UGT1A1: variants seen among roughly 807,000 people sequenced by gnomAD.
UGT1A1 encodes the protein UDP glucuronosyltransferase family 1 member A1.
UGT1A1 carries 33 observed loss-of-function variants against 40.6 expected under a neutral mutation model. That is an observed-to-expected ratio of 0.81 (90% CI 0.62 to 1.09). UGT1A1 has a LOEUF of 1.09. Ranked by LOEUF, UGT1A1 falls within the 50% of genes least tolerant of loss-of-function variation. The pLI is 0.00. For missense variants in UGT1A1, 694 were observed against 671.2 expected, an observed-to-expected ratio of 1.03 and a Z score of -0.38; for synonymous variants, 249 against 265.0, an observed-to-expected ratio of 0.94 and a Z score of 0.59.
rs763109127 is a variant in UGT1A1 at position 233,760,886 on chromosome 2, AT to A, written c.601del (p.Ser201GlnfsTer4). On this transcript the variant is annotated frameshift_variant, in exon 1 of 5. Transcript: ENST00000305208. LOFTEE classifies it high-confidence loss of function. ...FSYVPRPLSS[H>X]SDHMTFLQRV... ...TACGTGCCCAGGCCTCTCTCCTCTC[AT>A]TCAGATCACATGACCTTCCTGCAGC... 6.2e-7 allele frequency: 1 copy of A among 1,613,934 alleles called. No individual in the cohort carries two copies. The highest frequency in any genetic ancestry group is 2.2e-5 in the East Asian group (1 of 44,870).
intron 1 of UGT1A1, among the ~76,000 whole-genome samples, chr2:233,763,257 T>A (rs187516962): frequency 6.6e-6 from 1 of 152,268 alleles, no homozygotes. Context: ...TAACCTGTTT[T>A]GTCTTGTTGC....
Position 233,760,894 on chromosome 2 carries a change from C to A in UGT1A1, c.607C>A (p.His203Asn). Residue 203 changes from histidine to asparagine, a missense_variant, in exon 1 of 5, where the codon CAC becomes AAC. By Grantham distance (68) the His-to-Asn change is moderately conservative. Coordinates refer to ENST00000305208, the MANE Select transcript of UGT1A1 (RefSeq NM_000463.3). ...VPRPLSSHSD[H>N]MTFLQRVKNM... ...CAGGCCTCTCTCCTCTCATTCAGAT[C>A]ACATGACCTTCCTGCAGCGGGTGAA... The A allele has an allele frequency of 6.2e-7, 1 of 1,614,174 alleles. No homozygotes were observed. Among genetic ancestry groups the A allele is most frequent in the Non-Finnish European group, 8.5e-7 (1 of 1,180,022 alleles).
At chr2:233,765,924 G>A (rs1285485148) in intron 1 of UGT1A1, among the ~76,000 whole-genome samples, 9 of 152,180 alleles carry the variant, frequency 5.9e-5, no homozygotes, top group Middle Eastern at 3.4e-3. Context: ...GCATACAGAC[G>A]GGCAGGTTGT....
In UGT1A1 at chr2:233,769,600, G is replaced by A. The variant is rs36059993; in HGVS notation, c.1304+1161G>A. 2,963 of 1,612,786 alleles carry A rather than the reference G, an allele frequency of 1.8e-3. 49 individuals are homozygous for A. In the African/African-American group the frequency reaches 0.035, roughly 19 times the overall value. ...GTTCAGATGAGAGGAGACGGAACAC[G>A]GGGACACACCAGCTTGAGCAAGGGA... is the stretch of plus-strand genomic sequence containing the variant. On this transcript the variant is annotated intron_variant, in intron 4 of 4. Transcript: ENST00000305208. The surrounding 1 kb of genome is among the most constrained non-coding windows in gnomAD (Gnocchi z 4.4).
At position 233,760,299 on chromosome 2, in the gene UGT1A1, G is replaced by T. The variant is rs781590934; in HGVS notation, c.12G>T (p.Glu4Asp). ...GGAGCAAAGGCGCCATGGCTGTGGA[G>T]TCCCAGGGCGGACGCCCACTTGTCC... MAV[E>D]SQGGRPLVLG... Residue 4 changes from glutamate to aspartate, a missense_variant, in exon 1 of 5, where the codon GAG becomes GAT. By Grantham distance (45) the Glu-to-Asp change is conservative (BLOSUM62 2). Transcript: ENST00000305208. 1.2e-6 allele frequency: 2 copies of T among 1,613,582 alleles called. No homozygotes were observed. The highest frequency in any genetic ancestry group is 2.2e-5 in the East Asian group (1 of 44,880).
In UGT1A1 at chr2:233,768,367, T is replaced by C; in HGVS notation, c.1232T>C (p.Val411Ala). 6.2e-7 allele frequency: 1 copy of C among 1,614,082 alleles called. No individual in the cohort carries two copies. The highest frequency in any genetic ancestry group is 8.5e-7 in the Non-Finnish European group (1 of 1,180,022). The change falls in exon 4 of 5, where the codon GTG (valine) becomes GCG (alanine). Residue 411 changes from valine to alanine, a missense_variant. Val to Ala is a moderately conservative substitution (Grantham distance 64). Transcript: ENST00000305208. The stretch of plus-strand genomic sequence containing the variant: ...CGCATGGAGACTAAGGGAGCTGGAG[T>C]GACCCTGAATGTTCTGGAAATGACT... ...AKRMETKGAG[V>A]TLNVLEMTSE...
rs1019965389 is a variant in UGT1A1, at chr2:233,761,222, C to A, written c.864+71C>A. 2.1e-5 allele frequency: 34 copies of A among 1,613,256 alleles called. No homozygotes were observed. In the African/African-American group the frequency reaches 4.4e-4, roughly 21 times the overall value. ...GTATTACTTTGGATCGATTAACTAG[C>A]CCCAGATATATGCTGAGCAAGCATT... On this transcript the variant is annotated intron_variant, in intron 1 of 4. Coordinates refer to ENST00000305208, the MANE Select transcript of UGT1A1 (RefSeq NM_000463.3).
Position 233,760,846 on chromosome 2 carries a change from C to G in UGT1A1, c.559C>G (p.Pro187Ala), listed in dbSNP as rs760019185. The G allele has an allele frequency of 1.2e-6, 2 of 1,613,970 alleles. No homozygotes were observed. Among genetic ancestry groups the G allele is most frequent in the South Asian group, 2.2e-5 (2 of 91,076 alleles). The change falls in exon 1 of 5, where the codon CCC (proline) becomes GCC (alanine). Residue 187 changes from proline (P) to alanine (A), a missense_variant. By Grantham distance (27) the Pro-to-Ala change is conservative. Transcript: ENST00000305208. Reference protein sequence around the residue: ...CSLEFEATQCPNPFSYVPRPL... With the variant: ...CSLEFEATQCANPFSYVPRPL... ...CCTGGAATTTGAGGCTACCCAGTGC[C>G]CCAACCCATTCTCCTACGTGCCCAG...
At position 233,769,757 on chromosome 2, in the gene UGT1A1, A is replaced by G; in HGVS notation, c.1304+1318A>G. 7.1e-7 allele frequency: 1 copy of G among 1,417,082 alleles called. No individual in the cohort carries two copies. Among genetic ancestry groups the G allele is most frequent in the Non-Finnish European group, 9.2e-7 (1 of 1,082,860 alleles). 87.8% of individuals were successfully genotyped at this position (1,417,082 alleles called of 1,614,324 possible). A position where few individuals can be genotyped will look rare whatever the true frequency, so the allele number is the denominator to read the frequency against. On this transcript the variant is annotated intron_variant, in intron 4 of 4. Coordinates refer to ENST00000305208, the MANE Select transcript of UGT1A1 (RefSeq NM_000463.3). The surrounding 1 kb of genome is among the most constrained non-coding windows in gnomAD (Gnocchi z 4.4). ...GTAGTCCCAGCCACTCTGGAGGCTA[A>G]GGCGGGAGGATTGCTTGAGCCCAGA...
chr2:233,761,267 C>T, intron 1 of UGT1A1, 116 bp downstream of exon 1: 1 of 1,593,550 alleles, frequency 6.3e-7, no homozygotes, highest in South Asian at 1.1e-5. Flanking sequence ...TTTAAAATGC[C>T]CTCTTTTGTT....
intron 1 of UGT1A1, among the ~76,000 whole-genome samples, chr2:233,762,541 G>A (rs1437791654): frequency 6.6e-6 from 1 of 152,290 alleles, no homozygotes; most frequent in African/African-American, 2.4e-5. Flanking sequence ...GTGTACCACA[G>A]TGTATTCTGC....
chr2:233,768,250 A>G lies in UGT1A1; in HGVS notation c.1115A>G (p.His372Arg). 1 of 1,614,148 alleles carries G rather than the reference A, an allele frequency of 6.2e-7. No individual in the cohort carries two copies. Among genetic ancestry groups the G allele is most frequent in the South Asian group, 1.1e-5 (1 of 91,078 alleles). ...GHPMTRAFITHAGSHGVYESI... is the reference protein window; with the variant it reads ...GHPMTRAFITRAGSHGVYESI... ...CCGATGACCCGTGCCTTTATCACCC[A>G]TGCTGGTTCCCATGGTGTTTATGAA... The change falls in exon 4 of 5, where the codon CAT becomes CGT. Residue 372 changes from histidine to arginine, a missense_variant. Transcript: ENST00000305208.
At position 233,767,069 on chromosome 2, in the gene UGT1A1, T is replaced by C. The variant is rs778321344; in HGVS notation, c.900T>C (p.His300=). 42 of 1,614,040 alleles carry C rather than the reference T, an allele frequency of 2.6e-5. No homozygotes were observed. The highest frequency in any genetic ancestry group is 3.4e-5 in the Non-Finnish European group (40 of 1,180,020). The change falls in exon 2 of 5, where the codon CAT becomes CAC. Residue 300 remains histidine, a synonymous_variant. Transcript: ENST00000305208. ...CCTACATTAATGCTTCTGGAGAACA[T>C]GGAATTGTGGTTTTCTCTTTGGGAT... is the stretch of plus-strand genomic sequence containing the variant. ...FEAYINASGE[H]GIVVFSLGSM...
rs1254411333 is a variant in UGT1A1 at position 233,772,451 on chromosome 2, C to T, written c.1494C>T (p.Val498=). ...SLDVIGFLLA[V]VLTVAFITFK... The stretch of plus-strand genomic sequence containing the variant: ...ACGTGATTGGTTTCCTCTTGGCCGT[C>T]GTGCTGACAGTGGCCTTCATCACCT... The change falls in exon 5 of 5, where the codon GTC becomes GTT. Residue 498 remains valine (V), a synonymous_variant. Transcript: ENST00000305208. 9 of 1,614,028 alleles carry T rather than the reference C, an allele frequency of 5.6e-6. No homozygotes were observed. The highest frequency in any genetic ancestry group is 1.1e-5 in the South Asian group (1 of 91,086).
intron 1 of UGT1A1, among the ~76,000 whole-genome samples, chr2:233,765,845 C>T (rs1255338105): frequency 6.6e-6 from 1 of 152,028 alleles, no homozygotes; most frequent in East Asian, 1.9e-4. Context: ...TCCTTGTCCC[C>T]CTCACAGAGC....
At position 233,760,333 on chromosome 2, in the gene UGT1A1, C is replaced by T. The variant is rs1559406714; in HGVS notation, c.46C>T (p.Leu16=). The part of the protein sequence containing the change: ...QGGRPLVLGL[L]LCVLGPVVSH... Reference sequence around the variant, plus strand: ...CGGACGCCCACTTGTCCTGGGCCTGCTGCTGTGTGTGCTGGGCCCAGTGGT... The same window carrying T: ...CGGACGCCCACTTGTCCTGGGCCTGTTGCTGTGTGTGCTGGGCCCAGTGGT... The change falls in exon 1 of 5, where the codon CTG becomes TTG. Residue 16 remains leucine, a synonymous_variant. Coordinates refer to ENST00000305208, the MANE Select transcript of UGT1A1 (RefSeq NM_000463.3). The T allele has an allele frequency of 1.2e-6, 2 of 1,614,052 alleles. No homozygotes were observed. Among genetic ancestry groups the T allele is most frequent in the East Asian group, 4.5e-5 (2 of 44,876 alleles).
chr2:233,767,304 G>T, intron 2 of UGT1A1, 139 bp downstream of exon 2: 23 of 1,525,164 alleles, frequency 1.5e-5, no homozygotes, highest in South Asian at 2.6e-5. Context: ...TTAATCCAAA[G>T]GTTTTTTTTG....
At chr2:233,772,231 C>G (rs2126066106) in intron 4 of UGT1A1, 31 bp from the exon 5 acceptor site, 1 of 1,613,718 alleles carries the variant, frequency 6.2e-7, no homozygotes, top group Non-Finnish European at 8.5e-7. Context: ...CACAGGTGTT[C>G]CAGGCATAAC....
At position 233,772,425 on chromosome 2, in the gene UGT1A1, G is replaced by A; in HGVS notation, c.1468G>A (p.Asp490Asn). The change falls in exon 5 of 5, where the codon GAC (aspartate) becomes AAC (asparagine). Residue 490 changes from aspartate (D) to asparagine (N), a missense_variant. By Grantham distance (23) the Asp-to-Asn change is conservative (BLOSUM62 1). Transcript: ENST00000305208. Reference protein sequence around the residue: ...DLTWYQYHSLDVIGFLLAVVL... With the variant: ...DLTWYQYHSLNVIGFLLAVVL... ...CACCTGGTACCAGTACCATTCCTTG[G>A]ACGTGATTGGTTTCCTCTTGGCCGT... 1.2e-6 allele frequency: 2 copies of A among 1,614,224 alleles called. No individual in the cohort carries two copies. Among genetic ancestry groups the A allele is most frequent in the Non-Finnish European group, 1.7e-6 (2 of 1,180,044 alleles).
Sources: allele counts gnomAD v4.1 joint callset (sites outside exome capture counted in the v4.1 genomes callset), GRCh38; gene constraint gnomAD v4.1.1; non-coding constraint Gnocchi (gnomAD v3.1); transcripts MANE v1.5; gene names NCBI Gene and HGNC (gene_info 2026-07-23, HGNC 2026-07-21).